KCNMB4: variants seen among roughly 807,000 people sequenced by gnomAD.
KCNMB4 encodes the protein potassium calcium-activated channel subfamily M regulatory beta subunit 4, also known as calcium-activated potassium channel subunit beta-4.
In KCNMB4, 3 loss-of-function variants were observed where a neutral mutation model predicts 20.7. That is an observed-to-expected ratio of 0.14 (90% CI 0.07 to 0.37). KCNMB4 has a LOEUF of 0.37. KCNMB4 is among the 10% of genes least tolerant of loss of function. The pLI is 1.00. For synonymous variants in KCNMB4, 110 were observed against 113.4 expected, an observed-to-expected ratio of 0.97 and a Z score of 0.19; for missense variants, 168 against 265.9, an observed-to-expected ratio of 0.63 and a Z score of 2.56.
intron 1 of KCNMB4, among the ~76,000 whole-genome samples, chr12:70,395,388 C>T (rs1593333143): frequency 6.6e-6 from 1 of 152,128 alleles, no homozygotes. Flanking sequence ...TTAAATGATT[C>T]AGTAACAGAA....
chr12:70,393,235 C>G (rs938845447), intron 1 of KCNMB4, among the ~76,000 whole-genome samples: 1 of 152,136 alleles, frequency 6.6e-6, no homozygotes, highest in Non-Finnish European at 1.5e-5. Flanking sequence ...AAGAGTCTCA[C>G]TCTGTCGCCC....
chr12:70,397,820 G>A (rs1868368793), intron 1 of KCNMB4, among the ~76,000 whole-genome samples: 2 of 151,998 alleles, frequency 1.3e-5, no homozygotes, highest in South Asian at 2.1e-4. Context: ...CTTTCCTAAC[G>A]CACTTAGTAT....
chr12:70,401,468 C>T (rs1868448241), intron 2 of KCNMB4, among the ~76,000 whole-genome samples: 1 of 152,184 alleles, frequency 6.6e-6, no homozygotes, highest in Non-Finnish European at 1.5e-5. Context: ...CCACTCCAAG[C>T]CACTCTCCAT....
At chr12:70,429,089 A>G (rs1300860252) in intron 2 of KCNMB4, among the ~76,000 whole-genome samples, 4 of 152,204 alleles carry the variant, frequency 2.6e-5, no homozygotes, top group Non-Finnish European at 5.9e-5. Flanking sequence ...TAGCTCCACT[A>G]TAAGTAAAAA....
intron 2 of KCNMB4, chr12:70,422,832 A>T: frequency 8.0e-7 from 1 of 1,246,818 alleles, no homozygotes. Flanking sequence ...GATGGATAAA[A>T]AATAATTACC....
chr12:70,367,152 GT>G (rs772715409), intron 1 of KCNMB4, 82 bp downstream of exon 1: 1,054 of 1,133,240 alleles, frequency 9.3e-4, no homozygotes, highest in Non-Finnish European at 1.2e-3. Flanking sequence ...CGCGGGGAGG[GT>G]TCGGCGTGTG....
chr12:70,417,885 T>C (rs1361245215), intron 2 of KCNMB4, among the ~76,000 whole-genome samples: 1 of 152,066 alleles, frequency 6.6e-6, no homozygotes, highest in African/African-American at 2.4e-5. Flanking sequence ...TATTGGGAGT[T>C]GAACAAACTC....
chr12:70,382,740 A>G (rs1883812918), intron 1 of KCNMB4, among the ~76,000 whole-genome samples: 1 of 152,244 alleles, frequency 6.6e-6, no homozygotes, highest in South Asian at 2.1e-4. Flanking sequence ...TAGCAATAAA[A>G]GACCATCTCT....
At chr12:70,419,108 C>T (rs1868984122) in intron 2 of KCNMB4, among the ~76,000 whole-genome samples, 1 of 152,144 alleles carries the variant, frequency 6.6e-6, no homozygotes, top group Non-Finnish European at 1.5e-5. Context: ...TATTATCAGA[C>T]ATGCTATATC....
At chr12:70,392,412 T>A (rs1225228459) in intron 1 of KCNMB4, among the ~76,000 whole-genome samples, 1 of 152,136 alleles carries the variant, frequency 6.6e-6, no homozygotes, top group Non-Finnish European at 1.5e-5. Flanking sequence ...TGGAAGACAA[T>A]GTGGTGATTC....
rs928056894 is a variant in KCNMB4 at position 70,430,902 on chromosome 12, A to C, written c.*249A>C. The C allele has an allele frequency of 2.6e-6, 1 of 383,402 alleles. No homozygotes were observed. Among genetic ancestry groups the C allele is most frequent in the African/African-American group, 2.1e-5 (1 of 47,486 alleles). The allele number at this position is 383,402 out of a possible 1,614,324, so 23.8% of individuals were successfully genotyped here. On this transcript the variant is annotated 3_prime_UTR_variant, in exon 3 of 3. Coordinates refer to ENST00000258111, the MANE Select transcript of KCNMB4 (RefSeq NM_014505.6). ...GCTGTATGGAGTAACTATTTCAGAAAACCCTATAAGAAGTTCATTTTCTTT... is the reference window on the plus strand; with the variant it reads ...GCTGTATGGAGTAACTATTTCAGAACACCCTATAAGAAGTTCATTTTCTTT...
chr12:70,418,450 A>G (rs1367996731), intron 2 of KCNMB4, among the ~76,000 whole-genome samples: 1 of 152,180 alleles, frequency 6.6e-6, no homozygotes, highest in Non-Finnish European at 1.5e-5. Flanking sequence ...GGTGTAGCCT[A>G]TGACTTCATT....
intron 2 of KCNMB4, among the ~76,000 whole-genome samples, chr12:70,411,201 T>A (rs1317293569): frequency 2.0e-5 from 3 of 152,124 alleles, no homozygotes; most frequent in Non-Finnish European, 4.4e-5. Flanking sequence ...TTACAACAAC[T>A]TAAGATGCTA....
intron 1 of KCNMB4, among the ~76,000 whole-genome samples, chr12:70,390,024 T>G (rs1280238724): frequency 6.6e-6 from 1 of 152,222 alleles, no homozygotes; most frequent in Non-Finnish European, 1.5e-5. Flanking sequence ...CATAAAATAT[T>G]GTAGGACTGT....
intron 1 of KCNMB4, among the ~76,000 whole-genome samples, chr12:70,374,532 G>A (rs1319013603): frequency 1.3e-5 from 2 of 152,096 alleles, no homozygotes; most frequent in African/African-American, 4.8e-5. Context: ...GTAAAAAATT[G>A]TACTTGTGAG....
intron 2 of KCNMB4, among the ~76,000 whole-genome samples, chr12:70,420,267 G>C (rs998600386): frequency 6.6e-6 from 1 of 152,074 alleles, no homozygotes; most frequent in African/African-American, 2.4e-5. Context: ...TAATCCCGAT[G>C]GATTTATGTT....
At chr12:70,394,865 C>T (rs552652392) in intron 1 of KCNMB4, among the ~76,000 whole-genome samples, 48 of 152,184 alleles carry the variant, frequency 3.2e-4, no homozygotes, top group African/African-American at 1.1e-3. Context: ...TGAGATCTCA[C>T]TTTGTTGCCC....
intron 1 of KCNMB4, among the ~76,000 whole-genome samples, chr12:70,376,301 A>C (rs148316547): frequency 3.6e-3 from 549 of 152,050 alleles, no homozygotes; most frequent in Middle Eastern, 6.8e-3. Context: ...GAGGATGTCC[A>C]CTCTTACCAC....
intron 1 of KCNMB4, among the ~76,000 whole-genome samples, chr12:70,381,856 A>G (rs1264850296): frequency 1.3e-5 from 2 of 152,178 alleles, no homozygotes; most frequent in African/African-American, 4.8e-5. Flanking sequence ...TACACTTTTA[A>G]TGGGTAAATT....
Sources: allele counts gnomAD v4.1 joint callset (sites outside exome capture counted in the v4.1 genomes callset), GRCh38; gene constraint gnomAD v4.1.1; transcripts MANE v1.5; gene names NCBI Gene and HGNC (gene_info 2026-07-23, HGNC 2026-07-21).